Variants in PTPRN2 observed in about 807,000 individuals in gnomAD.
PTPRN2 encodes the protein protein tyrosine phosphatase receptor type N2.
A neutral mutation model predicts 118.8 loss-of-function variants in PTPRN2; 74 were observed. The observed-to-expected ratio is 0.62, with a 90% CI of 0.52 to 0.76. The LOEUF is 0.76. Ranked by LOEUF, PTPRN2 falls within the 30% of genes least tolerant of loss-of-function variation. The pLI is 0.00. For missense variants in PTPRN2, 1,481 were observed against 1,394.4 expected, an observed-to-expected ratio of 1.06 and a Z score of -0.99; for synonymous variants, 641 against 608.0, an observed-to-expected ratio of 1.05 and a Z score of -0.80.
chr7:157,568,823 T>C, intron 21 of PTPRN2, 79 bp downstream of exon 21: 1 of 1,448,634 alleles, frequency 6.9e-7, no homozygotes, highest in East Asian at 2.3e-5. Context: ...GGGCCTCCCG[T>C]GAACACGGCA....
intron 5 of PTPRN2, 133 bp from the exon 6 acceptor site, chr7:158,167,424 G>T: frequency 3.3e-6 from 4 of 1,216,974 alleles, no homozygotes; most frequent in Non-Finnish European, 4.5e-6. Flanking sequence ...TTCGGTCTCA[G>T]GTTCAAGGTC....
At chr7:157,828,100 ATTT>A (rs1807307673) in intron 12 of PTPRN2, among the ~76,000 whole-genome samples, 1 of 151,864 alleles carries the variant, frequency 6.6e-6, no homozygotes, top group African/African-American at 2.4e-5. Flanking sequence ...CCTGACATTA[ATTT>A]TCCCCACATG....
intron 2 of PTPRN2, among the ~76,000 whole-genome samples, chr7:158,425,110 G>A (rs1308557619): frequency 1.3e-5 from 2 of 152,264 alleles, no homozygotes; most frequent in Non-Finnish European, 2.9e-5. Flanking sequence ...TTGCTGCTAA[G>A]AACCCAAAAC....
At chr7:158,029,646 C>T (rs1225680952) in intron 11 of PTPRN2, 1 of 152,262 alleles carries the variant, frequency 6.6e-6, no homozygotes, top group Non-Finnish European at 1.5e-5. Context: ...CTGTCCTGCC[C>T]ATCCACACAG....
chr7:157,624,624 A>T (rs1201632101), intron 14 of PTPRN2, among the ~76,000 whole-genome samples: 4 of 152,238 alleles, frequency 2.6e-5, no homozygotes, highest in Non-Finnish European at 5.9e-5. Context: ...GAATGGTTGC[A>T]TGGGTACTTG....
At position 157,649,137 on chromosome 7, in the gene PTPRN2, G is replaced by A. The variant is rs527388680; in HGVS notation, c.2196+7220C>T. 2.6e-3 allele frequency among the ~76,000 whole-genome samples: 339 copies of A among 130,328 alleles called. 1 individual carries two copies. Among genetic ancestry groups the A allele is most frequent in the African/African-American group, 8.8e-3 (309 of 35,312 alleles). The allele number at this position is 130,328 out of a possible 152,430, so 85.5% of individuals were successfully genotyped here. ...ACCCATTCACTGTGCACTGAACTCG[G>A]TGGGTCGGACCCATCCAGCGTGCAC... On this transcript the variant is annotated intron_variant, in intron 14 of 22. Transcript: ENST00000389418.
intron 12 of PTPRN2, among the ~76,000 whole-genome samples, chr7:157,827,650 G>A (rs981294951): frequency 6.6e-6 from 1 of 152,252 alleles, no homozygotes; most frequent in Non-Finnish European, 1.5e-5. Flanking sequence ...GGCATTTGGG[G>A]GAACCCAGTG....
At chr7:158,307,103 G>A (rs1349296848) in intron 3 of PTPRN2, among the ~76,000 whole-genome samples, 1 of 152,074 alleles carries the variant, frequency 6.6e-6, no homozygotes, top group African/African-American at 2.4e-5. Context: ...CTGACCTCAA[G>A]TGATCCACCC....
intron 3 of PTPRN2, among the ~76,000 whole-genome samples, chr7:158,278,766 G>A (rs1413362537): frequency 6.6e-6 from 1 of 152,206 alleles, no homozygotes; most frequent in African/African-American, 2.4e-5. Flanking sequence ...CCTGACTTCA[G>A]GAGTGAAGCT....
Position 157,995,370 on chromosome 7 carries a change from G to C in PTPRN2, c.1723+85928C>G, listed in dbSNP as rs138826305. Among the ~76,000 whole-genome samples, 3 of 152,260 alleles carry C rather than the reference G, an allele frequency of 2.0e-5. No homozygotes were observed. In the East Asian group the frequency reaches 5.8e-4, roughly 29 times the overall value. ...AGCTCCTTGTTCCTAAATCAACACT[G>C]TGTCCCCAGCTTACAAACGCTGTGT... On this transcript the variant is annotated intron_variant, in intron 11 of 22. Transcript: ENST00000389418.
At chr7:158,485,004 C>A (rs184592249) in intron 2 of PTPRN2, among the ~76,000 whole-genome samples, 2 of 152,068 alleles carry the variant, frequency 1.3e-5, no homozygotes, top group Non-Finnish European at 2.9e-5. Context: ...CCCTCCCAGC[C>A]GCTGTTGCTG....
intron 9 of PTPRN2, among the ~76,000 whole-genome samples, chr7:158,122,604 G>T (rs1035678094): frequency 1.3e-5 from 2 of 152,190 alleles, no homozygotes; most frequent in African/African-American, 4.8e-5. Flanking sequence ...TGTGCTGGAC[G>T]CCACACTGAG....
rs150873966 is a variant in PTPRN2 at position 157,654,486 on chromosome 7, C to T, written c.2196+1871G>A. Among the ~76,000 whole-genome samples the T allele has an allele frequency of 1.9e-3, 289 of 152,316 alleles. 1 individual carries two copies. The Middle Eastern group carries it at 0.048, about 25-fold the overall frequency. On this transcript the variant is annotated intron_variant, in intron 14 of 22. Coordinates refer to ENST00000389418, the MANE Select transcript of PTPRN2 (RefSeq NM_002847.5). ...CTGTACGCACAGAGTCTAAGTCAGC[C>T]GGACTCATACTTGGCCTGAGTGTGT...
At chr7:158,086,346 C>T (rs1813410832) in intron 10 of PTPRN2, among the ~76,000 whole-genome samples, 4 of 152,232 alleles carry the variant, frequency 2.6e-5, no homozygotes, top group Admixed American at 2.6e-4. Flanking sequence ...TGCACCACTC[C>T]ACACAGCTCC....
Position 157,715,612 on chromosome 7 carries a change from T to C in PTPRN2, c.1789-32675A>G, listed in dbSNP as rs180779042. Among the ~76,000 whole-genome samples the C allele has an allele frequency of 2.1e-3, 322 of 152,210 alleles. 4 individuals are homozygous for C. Among genetic ancestry groups the C allele is most frequent in the Non-Finnish European group, 3.4e-3 (233 of 68,008 alleles). On this transcript the variant is annotated intron_variant, in intron 12 of 22. Transcript: ENST00000389418. ...GATCATAGCTCCATCATCCCAAATC[T>C]AAACCACTCCAGAAACAGGCCGGCC...
intron 12 of PTPRN2, among the ~76,000 whole-genome samples, chr7:157,778,187 T>C (rs890945212): frequency 6.6e-6 from 1 of 152,184 alleles, no homozygotes; most frequent in African/African-American, 2.4e-5. Context: ...ACTGACCTTC[T>C]CAAAAGCCAA....
chr7:157,683,132 A>G (rs1796992871), intron 12 of PTPRN2, among the ~76,000 whole-genome samples, 195 bp from the exon 13 acceptor site: 1 of 152,216 alleles, frequency 6.6e-6, no homozygotes, highest in Admixed American at 6.5e-5. Context: ...AAAATAGCAC[A>G]TCGCAGATTG....
At chr7:158,478,072 T>C (rs894380880) in intron 2 of PTPRN2, among the ~76,000 whole-genome samples, 5 of 152,028 alleles carry the variant, frequency 3.3e-5, no homozygotes, top group Non-Finnish European at 5.9e-5. Flanking sequence ...CAAGGGGTGG[T>C]AGGCAGGCCA....
Position 158,081,320 on chromosome 7 carries a change from A to G in PTPRN2, c.1701T>C (p.Thr567=), listed in dbSNP as rs1221255097. 6.2e-7 allele frequency: 1 copy of G among 1,614,118 alleles called. No homozygotes were observed. The highest frequency in any genetic ancestry group is 1.7e-5 in the Admixed American group (1 of 60,026). The change falls in exon 11 of 23, where the codon ACT becomes ACC. Residue 567 remains threonine, a synonymous_variant. Coordinates refer to ENST00000389418, the MANE Select transcript of PTPRN2 (RefSeq NM_002847.5). ...KVSANVQNVT[T]EDVEKATVDN... ...CACCTGTGGCCTTCTCCACATCCTC[A>G]GTGGTCACGTTTTGGACATTGGCGC...
Sources: allele counts gnomAD v4.1 joint callset (sites outside exome capture counted in the v4.1 genomes callset), GRCh38; gene constraint gnomAD v4.1.1; transcripts MANE v1.5; gene names NCBI Gene and HGNC (gene_info 2026-07-23, HGNC 2026-07-21).